Variants in COL18A1 observed in about 807,000 individuals in gnomAD.
The protein encoded by COL18A1 is collagen type XVIII alpha 1 chain.
In COL18A1, 133 loss-of-function variants were observed where a neutral mutation model predicts 168.0. That is an observed-to-expected ratio of 0.79 (90% CI 0.69 to 0.91). The LOEUF (loss-of-function observed/expected upper bound fraction) is 0.91, where lower values mean the gene tolerates loss of function less well. Ranked by LOEUF, COL18A1 falls within the 40% of genes least tolerant of loss-of-function variation. The probability of loss-of-function intolerance (pLI) is 0.00; values close to 1 mark genes in which losing one functional copy is unlikely to be tolerated. For missense variants in COL18A1, 2,126 were observed against 1,925.4 expected (o/e 1.10, Z -1.95); for synonymous variants, 949 against 809.0 (o/e 1.17, Z -2.94).
intron 2 of COL18A1, among the ~76,000 whole-genome samples, chr21:45,445,253 T>A (rs972929979): frequency 3.3e-5 from 5 of 152,226 alleles, no homozygotes; most frequent in Admixed American, 6.5e-5. Flanking sequence ...GGCCTGTGGT[T>A]TCCGGGTTCG....
chr21:45,482,481 T>A, intron 14 of COL18A1: 1 of 568,776 alleles, frequency 1.8e-6, no homozygotes, highest in Non-Finnish European at 3.2e-6. Flanking sequence ...GGGCTGTAAA[T>A]GCCCCTCACT....
intron 2 of COL18A1, among the ~76,000 whole-genome samples, chr21:45,417,776 A>G (rs2033488235): frequency 6.6e-6 from 1 of 152,040 alleles, no homozygotes. Flanking sequence ...TGGGCCCTCC[A>G]TCCTGGGTGC....
rs1434674978 is a variant in COL18A1 at position 45,498,075 on chromosome 21, C to T, written c.2683+414C>T. On this transcript the variant is annotated intron_variant, in intron 32 of 41. Coordinates refer to ENST00000651438, the MANE Select transcript of COL18A1 (RefSeq NM_001379500.1). The surrounding 1 kb of genome is among the most constrained non-coding windows in gnomAD (Gnocchi z 4.5). Reference sequence around the variant, plus strand: ...GGGAAGGAGGCGTTGCCCGACAGGCCGTCTGGAGGGTGAGCCCAGCACCCC... The same window carrying T: ...GGGAAGGAGGCGTTGCCCGACAGGCTGTCTGGAGGGTGAGCCCAGCACCCC... The T allele has an allele frequency of 1.8e-5, 11 of 608,094 alleles. No homozygotes were observed. The highest frequency in any genetic ancestry group is 1.1e-4 in the East Asian group (4 of 36,580). 37.7% of individuals were successfully genotyped at this position (608,094 alleles called of 1,614,324 possible). A position where few individuals can be genotyped will look rare whatever the true frequency, so the allele number is the denominator to read the frequency against.
At chr21:45,437,778 ACACT>A (rs375489176) in intron 2 of COL18A1, among the ~76,000 whole-genome samples, 899 of 69,576 alleles carry the variant, frequency 0.013, 117 homozygotes, top group Non-Finnish European at 0.017. Context: ...GCACACACAC[ACACT>A]CACTCACACA....
rs1162474763 is a variant in COL18A1, at chr21:45,492,546, G to A, written c.2169G>A (p.Leu723=). The A allele has an allele frequency of 6.2e-7, 1 of 1,613,324 alleles. No homozygotes were observed. Among genetic ancestry groups the A allele is most frequent in the South Asian group, 1.1e-5 (1 of 91,086 alleles). ...VYVSEQDGSV[L]SVPGPEGRPG... is the part of the protein sequence containing the mutation. ...TTGCTCGTGGACAGGGATCCGTCCTGAGCGTGCCGGGACCTGAGGTATGTG... is the reference window on the plus strand; with the variant it reads ...TTGCTCGTGGACAGGGATCCGTCCTAAGCGTGCCGGGACCTGAGGTATGTG... Residue 723 remains leucine (L), a synonymous_variant, in exon 23 of 42, where the codon CTG becomes CTA. Coordinates refer to ENST00000651438, the MANE Select transcript of COL18A1 (RefSeq NM_001379500.1).
chr21:45,479,772 C>A, intron 9 of COL18A1, 130 bp from the exon 10 acceptor site: 1 of 1,343,670 alleles, frequency 7.4e-7, no homozygotes, highest in Admixed American at 2.1e-5. Flanking sequence ...TCGTACTTTC[C>A]GGGCCCCAGA....
chr21:45,405,710 C>T (rs1280326600), intron 2 of COL18A1, among the ~76,000 whole-genome samples: 2 of 150,188 alleles, frequency 1.3e-5, no homozygotes, highest in Non-Finnish European at 3.0e-5. Flanking sequence ...TGCGAGCGGC[C>T]GGAGTCCCCG....
chr21:45,509,396 T>G lies in COL18A1; in HGVS notation c.3290T>G (p.Leu1097Arg), dbSNP rs2146119678. 1 of 1,543,524 alleles carries G rather than the reference T, an allele frequency of 6.5e-7. No homozygotes were observed. Among genetic ancestry groups the G allele is most frequent in the East Asian group, 2.4e-5 (1 of 41,036 alleles). Residue 1097 changes from leucine to arginine, a missense_variant, in exon 39 of 42, where the codon CTG becomes CGG. Physicochemically the swap from Leu to Arg is moderately radical, Grantham distance 102. Transcript: ENST00000651438. ...GCCTTGCAGCCCCCCGTGGTGCAGC[T>G]GCACGACAGCAACCCCTACCCGCGG... is the stretch of plus-strand genomic sequence containing the variant. ...VAALQPPVVQ[L>R]HDSNPYPRRE...
At chr21:45,414,798 C>T (rs963537270) in intron 2 of COL18A1, among the ~76,000 whole-genome samples, 5 of 152,220 alleles carry the variant, frequency 3.3e-5, no homozygotes, top group African/African-American at 9.6e-5. Flanking sequence ...ATACTGACCC[C>T]GAGCTGACCA....
At chr21:45,484,803 T>C (rs1395628873) in intron 15 of COL18A1, among the ~76,000 whole-genome samples, 2 of 152,228 alleles carry the variant, frequency 1.3e-5, no homozygotes, top group East Asian at 1.9e-4. Flanking sequence ...CACGTACACA[T>C]GTAGGCTTTG....
Position 45,497,579 on chromosome 21 carries a change from C to G in COL18A1, c.2621-20C>G, listed in dbSNP as rs1233095760. 1.3e-6 allele frequency: 2 copies of G among 1,555,046 alleles called. No homozygotes were observed. Among genetic ancestry groups the G allele is most frequent in the Admixed American group, 1.9e-5 (1 of 51,652 alleles). The stretch of plus-strand genomic sequence containing the variant: ...CTCCCTGGCACATTCCTGATGGGCA[C>G]TGGGTCTCTCTTCCTCCAGGGAATC... On this transcript the variant is annotated intron_variant, in intron 31 of 41. Coordinates refer to ENST00000651438, the MANE Select transcript of COL18A1 (RefSeq NM_001379500.1).
intron 2 of COL18A1, among the ~76,000 whole-genome samples, chr21:45,447,496 A>G (rs1602403731): frequency 6.6e-6 from 1 of 152,330 alleles, no homozygotes; most frequent in East Asian, 1.9e-4. Context: ...ACAAAGCAAC[A>G]TTGAAAGTAA....
intron 2 of COL18A1, among the ~76,000 whole-genome samples, chr21:45,418,604 C>G (rs2033517602): frequency 6.7e-6 from 1 of 149,900 alleles, no homozygotes; most frequent in Non-Finnish European, 1.5e-5. Context: ...TCTGCACAGC[C>G]CGCCTCGTGC....
intron 30 of COL18A1, among the ~76,000 whole-genome samples, 175 bp from the exon 31 acceptor site, chr21:45,496,875 G>A (rs139851345): frequency 1.5e-3 from 231 of 152,320 alleles, no homozygotes; most frequent in African/African-American, 3.8e-4. Context: ...GCCAAGTGGC[G>A]TCAGGCCGTG....
In COL18A1 at chr21:45,512,668, C is replaced by A. The variant is rs1602670179; in HGVS notation, c.*270C>A. ...AGCTGGGTCAGGCAGGGTGCAGTATCATGCCCTGTGCAACCTCTTGGCCTG... is the reference window on the plus strand; with the variant it reads ...AGCTGGGTCAGGCAGGGTGCAGTATAATGCCCTGTGCAACCTCTTGGCCTG... On this transcript the variant is annotated 3_prime_UTR_variant, in exon 42 of 42. Transcript: ENST00000651438. The A allele has an allele frequency of 7.4e-6, 4 of 538,108 alleles. No individual in the cohort carries two copies. In the East Asian group the frequency reaches 9.8e-5, roughly 13 times the overall value. 33.3% of individuals were successfully genotyped at this position (538,108 alleles called of 1,614,324 possible). A position where few individuals can be genotyped will look rare whatever the true frequency, so the allele number is the denominator to read the frequency against.
chr21:45,481,842 C>G, intron 13 of COL18A1, 121 bp from the exon 14 acceptor site: 1 of 761,980 alleles, frequency 1.3e-6, no homozygotes, highest in Non-Finnish European at 2.4e-6. Context: ...GGCCCTGTGT[C>G]TGGGGAACGT....
In COL18A1 at chr21:45,509,423, G is replaced by A. The variant is rs752092795; in HGVS notation, c.3317G>A (p.Arg1106Gln). Residue 1106 changes from arginine (R) to glutamine (Q), a missense_variant, in exon 39 of 42, where the codon CGG becomes CAG. Coordinates refer to ENST00000651438, the MANE Select transcript of COL18A1 (RefSeq NM_001379500.1). ...QLHDSNPYPR[R>Q]EHPHPTARPW... ...CACGACAGCAACCCCTACCCGCGGC[G>A]GGAGCACCCCCACCCCACCGCGCGG... 65 of 1,538,156 alleles carry A rather than the reference G, an allele frequency of 4.2e-5. No homozygotes were observed. The East Asian group carries it at 6.1e-4, about 14-fold the overall frequency.
chr21:45,505,488 A>T, intron 36 of COL18A1, 57 bp downstream of exon 36: 1 of 905,852 alleles, frequency 1.1e-6, no homozygotes. Context: ...CTGGTTCTGC[A>T]GCCCCTGCCC....
intron 2 of COL18A1, among the ~76,000 whole-genome samples, chr21:45,451,343 A>T (rs2034618436): frequency 6.6e-6 from 1 of 152,190 alleles, no homozygotes; most frequent in Admixed American, 6.5e-5. Context: ...ATGATGTGCA[A>T]CCCAGCAGCT....
Sources: allele counts gnomAD v4.1 joint callset (sites outside exome capture counted in the v4.1 genomes callset), GRCh38; gene constraint gnomAD v4.1.1; non-coding constraint Gnocchi (gnomAD v3.1); transcripts MANE v1.5; gene names NCBI Gene and HGNC (gene_info 2026-07-23, HGNC 2026-07-21).